Variants in KMT2D observed in about 807,000 individuals in gnomAD.
KMT2D encodes histone-lysine N-methyltransferase 2D.
In KMT2D, 55 loss-of-function variants were observed where a neutral mutation model predicts 512.7. The ratio of observed to expected loss-of-function variants is 0.11; its 90% CI spans 0.09 to 0.13. The LOEUF (loss-of-function observed/expected upper bound fraction) is 0.13. Ranked by LOEUF, KMT2D falls within the 10% of genes least tolerant of loss-of-function variation. The probability of loss-of-function intolerance (pLI) is 1.00; values close to 1 mark genes in which losing one functional copy is unlikely to be tolerated. For synonymous variants in KMT2D, 2,995 were observed against 2,904.0 expected (o/e 1.03, Z -1.01); for missense variants, 6,061 against 7,127.9 (o/e 0.85, Z 5.39).
In KMT2D at chr12:49,034,927, T is replaced by C. The variant is rs1943141721; in HGVS notation, c.10240A>G (p.Lys3414Glu). ...TCAATGATATCTTCTGCAGCAAATT[T>C]GTCCAGGTCTGGAGAGGGGAGAACC... ...NSFFPDTDLD[K>E]FAAEDIIDPI... Residue 3414 changes from lysine (K) to glutamate (E), a missense_variant, in exon 36 of 55, where the codon AAA (lysine) becomes GAA (glutamate). This residue lies in a region of KMT2D where 533 missense variants were observed against 539.6 expected (regional missense o/e 0.99). Coordinates refer to ENST00000301067, the MANE Select transcript of KMT2D (RefSeq NM_003482.4). 1 of 1,613,860 alleles carries C rather than the reference T, an allele frequency of 6.2e-7. No homozygotes were observed. Among genetic ancestry groups the C allele is most frequent in the African/African-American group, 1.3e-5 (1 of 74,926 alleles).
Position 49,059,622 on chromosome 12 carries a change from G to A in KMT2D, c.-47C>T, listed in dbSNP as rs1335505547. 1.3e-5 allele frequency: 2 copies of A among 152,348 alleles called. No individual in the cohort carries two copies. Among genetic ancestry groups the A allele is most frequent in the East Asian group, 1.9e-4 (1 of 5,150 alleles). 9.4% of individuals were successfully genotyped at this position (152,348 alleles called of 1,614,324 possible). On this transcript the variant is annotated 5_prime_UTR_variant, in exon 1 of 55. Transcript: ENST00000301067. ...GGCGGACTTCACTCACCTCTTCACA[G>A]GGCGATCCAGAAATCCTCATCCGAG...
At chr12:49,059,209 C>T (rs1036597889) in intron 1 of KMT2D, among the ~76,000 whole-genome samples, 11 of 152,090 alleles carry the variant, frequency 7.2e-5, no homozygotes, top group Admixed American at 5.2e-4. Flanking sequence ...CTGGCAGTGA[C>T]ACCCTCCCCC....
rs376654262 is a variant in KMT2D, at chr12:49,052,260, G to A, written c.1423C>T (p.Pro475Ser). The part of the protein sequence containing the change: ...SRLSPPPEEL[P>S]ASPLPEALHL... ...AATGCCTCAGGAAGTGGGGATGCGG[G>A]CAATTCCTCAGGTGGTGGTGACAGG... Residue 475 changes from proline (P) to serine (S), a missense_variant, in exon 11 of 55, where the codon CCC (proline) becomes TCC (serine). Pro to Ser is a moderately conservative substitution (Grantham distance 74, BLOSUM62 -1). This residue lies in a region of KMT2D where 848 missense variants were observed against 838.5 expected (regional missense o/e 1.01). Transcript: ENST00000301067. 1.9e-6 allele frequency: 3 copies of A among 1,610,982 alleles called. No homozygotes were observed. The highest frequency in any genetic ancestry group is 2.5e-6 in the Non-Finnish European group (3 of 1,178,262).
intron 24 of KMT2D, 61 bp from the exon 25 acceptor site, chr12:49,043,489 C>T (rs2120569427): frequency 7.5e-6 from 12 of 1,600,906 alleles, no homozygotes; most frequent in Non-Finnish European, 1.0e-5. Flanking sequence ...CAGAACAGGT[C>T]TCCAGTCCCA....
rs2120668782 is a variant in KMT2D at position 49,051,360 on chromosome 12, C to T, written c.2323G>A (p.Glu775Lys). ...GGCACAGCGCATAGGCATGGCTCCT[C>T]AGGCTGGGGGGACAGGTGTGGCTCC... ...AEEPHLSPQP[E>K]EPCLCAVPEE... The change falls in exon 11 of 55, where the codon GAG (glutamate) becomes AAG (lysine). Residue 775 changes from glutamate to lysine, a missense_variant. Transcript: ENST00000301067. The T allele has an allele frequency of 1.9e-6, 3 of 1,609,454 alleles. No individual in the cohort carries two copies. The highest frequency in any genetic ancestry group is 2.5e-6 in the Non-Finnish European group (3 of 1,177,500).
At chr12:49,055,450 C>A (rs1938352537) in intron 1 of KMT2D, 89 bp from the exon 2 acceptor site, 1 of 755,276 alleles carries the variant, frequency 1.3e-6, no homozygotes, top group African/African-American at 1.8e-5. Flanking sequence ...GCATCCAGAC[C>A]CTCCAGACAT....
chr12:49,048,903 G>T, intron 13 of KMT2D, 134 bp from the exon 14 acceptor site: 1 of 714,582 alleles, frequency 1.4e-6, no homozygotes, highest in East Asian at 2.5e-5. Context: ...ATAACAGACA[G>T]AACACCCCAG....
Position 49,054,249 on chromosome 12 carries a change from C to T in KMT2D, c.510+58G>A. 2 of 1,539,660 alleles carry T rather than the reference C, an allele frequency of 1.3e-6. No individual in the cohort carries two copies. The highest frequency in any genetic ancestry group is 1.8e-6 in the Non-Finnish European group (2 of 1,135,878). Reference sequence around the variant, plus strand: ...CATGGTCCTTCTCATTCCAACCTGACTCTCAGAAGCCCACCAGCCCTGCCC... The same window carrying T: ...CATGGTCCTTCTCATTCCAACCTGATTCTCAGAAGCCCACCAGCCCTGCCC... On this transcript the variant is annotated intron_variant, in intron 5 of 54. Coordinates refer to ENST00000301067, the MANE Select transcript of KMT2D (RefSeq NM_003482.4). This position sits in a 1 kb window ranked among gnomAD's most constrained non-coding sequence, Gnocchi z 6.4.
intron 35 of KMT2D, among the ~76,000 whole-genome samples, chr12:49,036,487 T>C (rs1441722128): frequency 7.5e-6 from 1 of 133,278 alleles, no homozygotes; most frequent in Non-Finnish European, 1.6e-5. Context: ...AATTTTTTTT[T>C]TTTTTTTTTT....
intron 49 of KMT2D, 67 bp from the exon 50 acceptor site, chr12:49,025,013 C>T (rs2137712500): frequency 1.3e-6 from 2 of 1,535,604 alleles, no homozygotes; most frequent in Non-Finnish European, 1.8e-6. Flanking sequence ...GTCCCTAACC[C>T]CAATCCAGAA....
chr12:49,051,433 C>A lies in KMT2D; in HGVS notation c.2250G>T (p.Pro750=), dbSNP rs180809568. Residue 750 remains proline (P), a synonymous_variant, in exon 11 of 55, where the codon CCG becomes CCT. Coordinates refer to ENST00000301067, the MANE Select transcript of KMT2D (RefSeq NM_003482.4). ...GCTCCTCAGGCCGGGGGGACAGGTG[C>A]GGCTCCTCAGGCCGGGGTGACAGGT... is the stretch of plus-strand genomic sequence containing the variant. ...GPHLSPRPEE[P]HLSPRPEEPH... 2 of 1,606,970 alleles carry A rather than the reference C, an allele frequency of 1.2e-6. No individual in the cohort carries two copies. The highest frequency in any genetic ancestry group is 8.5e-7 in the Non-Finnish European group (1 of 1,178,306).
At position 49,026,319 on chromosome 12, in the gene KMT2D, T is replaced by C. The variant is rs759160504; in HGVS notation, c.15647A>G (p.Tyr5216Cys). The change falls in exon 49 of 55, where the codon TAT (tyrosine) becomes TGT (cysteine). Residue 5216 changes from tyrosine (Y) to cysteine (C), a missense_variant. By Grantham distance (194) the Tyr-to-Cys change is radical. This residue lies in a region of KMT2D where 261 missense variants were observed against 440.7 expected (regional missense o/e 0.59). Coordinates refer to ENST00000301067, the MANE Select transcript of KMT2D (RefSeq NM_003482.4). The surrounding 1 kb of genome is among the most constrained non-coding windows in gnomAD (Gnocchi z 9.6). ...ACGATTGTTGGTGCGGAGGCTCCAA[T>C]AGATGCGCGTGGCCTCGTAGCCCAC... ...YPVGYEATRI[Y>C]WSLRTNNRRC... 6.2e-7 allele frequency: 1 copy of C among 1,611,956 alleles called. No homozygotes were observed. The highest frequency in any genetic ancestry group is 8.5e-7 in the Non-Finnish European group (1 of 1,178,204).
In KMT2D at chr12:49,028,103, C is replaced by G. The variant is rs769502201; in HGVS notation, c.14421G>C (p.Leu4807=). 5 of 1,613,910 alleles carry G rather than the reference C, an allele frequency of 3.1e-6. No homozygotes were observed. The South Asian group carries it at 5.5e-5, about 18-fold the overall frequency. ...NGVMVAVAEL[L]SMKIPNSYEV... is the part of the protein sequence containing the mutation. Reference sequence around the variant, plus strand: ...CATAGGAGTTGGGGATCTTCATGCTCAGCAGCTCCGCCACTGCCACCATCA... The same window carrying G: ...CATAGGAGTTGGGGATCTTCATGCTGAGCAGCTCCGCCACTGCCACCATCA... The change falls in exon 47 of 55, where the codon CTG becomes CTC. Residue 4807 remains leucine (L), a synonymous_variant. Coordinates refer to ENST00000301067, the MANE Select transcript of KMT2D (RefSeq NM_003482.4).
rs2120705524 is a variant in KMT2D at position 49,054,172 on chromosome 12, G to C, written c.511-32C>G. 6.4e-7 allele frequency: 1 copy of C among 1,562,802 alleles called. No homozygotes were observed. The highest frequency in any genetic ancestry group is 2.4e-5 in the East Asian group (1 of 42,546). On this transcript the variant is annotated intron_variant, in intron 5 of 54. Coordinates refer to ENST00000301067, the MANE Select transcript of KMT2D (RefSeq NM_003482.4). This position sits in a 1 kb window ranked among gnomAD's most constrained non-coding sequence, Gnocchi z 6.4. ...GGGTGAAAAAAGAGCCTCAGTGTCAGCCAGCTCTCCCCAGACAAACAGTTC... is the reference window on the plus strand; with the variant it reads ...GGGTGAAAAAAGAGCCTCAGTGTCACCCAGCTCTCCCCAGACAAACAGTTC...
At position 49,019,871 on chromosome 12, in the gene KMT2D, A is replaced by C; in HGVS notation, c.*1909T>G. On this transcript the variant is annotated 3_prime_UTR_variant, in exon 55 of 55. Coordinates refer to ENST00000301067, the MANE Select transcript of KMT2D (RefSeq NM_003482.4). The stretch of plus-strand genomic sequence containing the variant: ...CAAAACAAAACAAAAACAAACCTAA[A>C]ATCACAACAGCGACCAAGCTCCCCC... The C allele has an allele frequency of 4.9e-6, 1 of 205,636 alleles. No individual in the cohort carries two copies. Among genetic ancestry groups the C allele is most frequent in the Non-Finnish European group, 9.9e-6 (1 of 101,220 alleles). The allele number at this position is 205,636 out of a possible 1,614,324, so 12.7% of individuals were successfully genotyped here.
chr12:49,029,906 A>C (rs552569826), intron 43 of KMT2D, among the ~76,000 whole-genome samples: 22 of 152,266 alleles, frequency 1.4e-4, no homozygotes, highest in African/African-American at 5.1e-4. Flanking sequence ...TACAGTGAGG[A>C]AACTGAGGCT....
Position 49,041,165 on chromosome 12 carries a change from G to T in KMT2D, c.6605C>A (p.Pro2202His), listed in dbSNP as rs759466173. 1.3e-6 allele frequency: 2 copies of T among 1,521,076 alleles called. No homozygotes were observed. The highest frequency in any genetic ancestry group is 1.8e-6 in the Non-Finnish European group (2 of 1,137,786). 94.2% of individuals were successfully genotyped at this position (1,521,076 alleles called of 1,614,324 possible). Residue 2202 changes from proline to histidine, a missense_variant, in exon 32 of 55, where the codon CCT becomes CAT. This residue lies in a region of KMT2D where 710 missense variants were observed against 647.3 expected (regional missense o/e 1.10). Coordinates refer to ENST00000301067, the MANE Select transcript of KMT2D (RefSeq NM_003482.4). This position sits in a 1 kb window ranked among gnomAD's most constrained non-coding sequence, Gnocchi z 5.4. Reference protein sequence around the residue: ...APPTYPPYPSPTGAPAQPPML... With the variant: ...APPTYPPYPSHTGAPAQPPML... The stretch of plus-strand genomic sequence containing the variant: ...CGGGGGCTGCGCAGGGGCCCCCGTA[G>T]GACTAGGATAGGGGGGATAGGTGGG...
rs1434117014 is a variant in KMT2D at position 49,046,473 on chromosome 12, A to T, written c.4419-49T>A. The T allele has an allele frequency of 6.2e-7, 1 of 1,601,252 alleles. No individual in the cohort carries two copies. Among genetic ancestry groups the T allele is most frequent in the Admixed American group, 1.7e-5 (1 of 59,610 alleles). On this transcript the variant is annotated intron_variant, in intron 16 of 54. Coordinates refer to ENST00000301067, the MANE Select transcript of KMT2D (RefSeq NM_003482.4). This position sits in a 1 kb window ranked among gnomAD's most constrained non-coding sequence, Gnocchi z 4.2. Reference sequence around the variant, plus strand: ...CTTTAGCACCCAACCTACCCGAAGTACCCAGAAGTCCCCTCACCGGAAACC... The same window carrying T: ...CTTTAGCACCCAACCTACCCGAAGTTCCCAGAAGTCCCCTCACCGGAAACC...
Position 49,051,743 on chromosome 12 carries a change from G to C in KMT2D, c.1940C>G (p.Pro647Arg), listed in dbSNP as rs200088180. ...PPPEESPMSP[P>R]PEVSRLSPLP... Reference sequence around the variant, plus strand: ...GGGGGATAGGCGCGATACCTCAGGTGGGGGGGACATAGGTGATTCTTCAGG... The same window carrying C: ...GGGGGATAGGCGCGATACCTCAGGTCGGGGGGACATAGGTGATTCTTCAGG... Residue 647 changes from proline (P) to arginine (R), a missense_variant, in exon 11 of 55, where the codon CCA (proline) becomes CGA (arginine). Around this residue, in one of 16 missense-constraint regions of KMT2D, gnomAD observed 848 missense variants for 838.5 expected, o/e 1.01. Transcript: ENST00000301067. 11 of 1,585,458 alleles carry C rather than the reference G, an allele frequency of 6.9e-6. No individual in the cohort carries two copies. The highest frequency in any genetic ancestry group is 6.8e-5 in the African/African-American group (5 of 73,376).
Sources: gnomAD v4.1 joint callset for allele counts (sites outside exome capture counted in the v4.1 genomes callset) on GRCh38, gnomAD v4.1.1 for gene constraint, gnomAD v4.1.1 regional missense constraint, Gnocchi (gnomAD v3.1) non-coding constraint, MANE v1.5 for transcripts, NCBI Gene and HGNC (gene_info 2026-07-23, HGNC 2026-07-21) for gene names.